Variants in LRRC49 observed in about 807,000 individuals in gnomAD.
LRRC49 encodes the protein leucine-rich repeat-containing protein 49.
Under a neutral mutation model 83.3 loss-of-function variants are expected in LRRC49, and 50 were observed. The ratio of observed to expected loss-of-function variants is 0.60; its 90% CI spans 0.48 to 0.76. The LOEUF is 0.76. Ranked by LOEUF, LRRC49 falls within the 30% of genes least tolerant of loss-of-function variation. The pLI, the probability that LRRC49 is intolerant of heterozygous loss-of-function variation, is 0.00. For synonymous variants in LRRC49, 286 were observed against 283.3 expected (o/e 1.01, Z -0.10); for missense variants, 704 against 809.1 (o/e 0.87, Z 1.58).
intron 14 of LRRC49, among the ~76,000 whole-genome samples, chr15:71,035,674 A>T (rs1375679347): frequency 6.6e-6 from 1 of 152,162 alleles, no homozygotes; most frequent in Non-Finnish European, 1.5e-5. Context: ...AAGGACATGA[A>T]TTCATCCTTT....
Position 71,037,169 on chromosome 15 carries a change from C to T in LRRC49, c.1704-10C>T. ...GTAACTCTCTAAATCTCTTTACTGTCTTTCTACAGGAAAAAGCAATTTCGG... is the reference window on the plus strand; with the variant it reads ...GTAACTCTCTAAATCTCTTTACTGTTTTTCTACAGGAAAAAGCAATTTCGG... On this transcript the variant is annotated splice_polypyrimidine_tract_variant and intron_variant, in intron 14 of 15. Transcript: ENST00000260382. The T allele has an allele frequency of 6.3e-7, 1 of 1,591,030 alleles. No homozygotes were observed.
At chr15:70,972,893 T>G (rs750044657) in intron 9 of LRRC49, among the ~76,000 whole-genome samples, 16 of 152,128 alleles carry the variant, frequency 1.1e-4, no homozygotes, top group Non-Finnish European at 2.2e-4. Context: ...CTGTAACCTT[T>G]TTTCAGGGTT....
rs2033881931 is a variant in LRRC49, at chr15:70,897,382, T to A, written c.193+1446T>A. On this transcript the variant is annotated intron_variant, in intron 3 of 15. Transcript: ENST00000260382. ...CCTAATTGGTTTTTCATTTAAAAAA[T>A]TTATTCAAAATTGGTTTCTGTGACA... is the stretch of plus-strand genomic sequence containing the variant. Among the ~76,000 whole-genome samples, 3 of 152,280 alleles carry A rather than the reference T, an allele frequency of 2.0e-5. No individual in the cohort carries two copies. In the South Asian group the frequency reaches 6.2e-4, roughly 32 times the overall value.
At chr15:70,901,152 T>C in intron 4 of LRRC49, 128 bp downstream of exon 4, 1 of 567,842 alleles carries the variant, frequency 1.8e-6, no homozygotes, top group African/African-American at 1.9e-5. Context: ...TATTTAGATA[T>C]AATTTTTTTA....
rs778742016 is a variant in LRRC49, at chr15:70,904,599, G to A, written c.344G>A (p.Arg115His). 6.2e-6 allele frequency: 10 copies of A among 1,613,490 alleles called. No homozygotes were observed. Among genetic ancestry groups the A allele is most frequent in the South Asian group, 5.5e-5 (5 of 91,056 alleles). The change falls in exon 5 of 16, where the codon CGT (arginine) becomes CAT (histidine). Residue 115 changes from arginine to histidine, a missense_variant. Physicochemically the swap from Arg to His is conservative, Grantham distance 29 (BLOSUM62 0). Around this residue, in one of 3 missense-constraint regions of LRRC49, gnomAD observed 261 missense variants for 330.5 expected, o/e 0.79. Transcript: ENST00000260382. ...CPIINGEDHL[R>H]LLNFQHNFIT... The stretch of plus-strand genomic sequence containing the variant: ...ATCATCAATGGGGAAGACCACCTTC[G>A]TTTGTTGAACTTTCAACACAATTTT...
chr15:71,008,951 G>A (rs1183868203), intron 12 of LRRC49, among the ~76,000 whole-genome samples: 2 of 151,884 alleles, frequency 1.3e-5, no homozygotes, highest in East Asian at 3.9e-4. Flanking sequence ...TGGTAATGGT[G>A]AAATGTATAT....
At chr15:70,950,926 AATTTTTGT>A (rs1177364418) in intron 8 of LRRC49, among the ~76,000 whole-genome samples, 23 of 151,998 alleles carry the variant, frequency 1.5e-4, no homozygotes, top group African/African-American at 5.3e-4. Context: ...ATGTTGAGTT[AATTTTTGT>A]ATATGGTGAG....
At position 70,951,775 on chromosome 15, in the gene LRRC49, T is replaced by C. The variant is rs548911236; in HGVS notation, c.774-12010T>C. 2.0e-5 allele frequency among the ~76,000 whole-genome samples: 3 copies of C among 152,298 alleles called. No homozygotes were observed. The East Asian group carries it at 5.8e-4, about 29-fold the overall frequency. ...ATTTCTTTTTCTTGCCTGATAGCTC[T>C]GGTTAGGACTTCTAGTACTATGTTG... On this transcript the variant is annotated intron_variant, in intron 8 of 15. Coordinates refer to ENST00000260382, the MANE Select transcript of LRRC49 (RefSeq NM_017691.5).
intron 11 of LRRC49, among the ~76,000 whole-genome samples, chr15:70,990,007 A>G (rs1385381871): frequency 6.6e-6 from 1 of 152,058 alleles, no homozygotes; most frequent in Non-Finnish European, 1.5e-5. Context: ...GTCTCAGAGG[A>G]GTACCCGGCT....
rs574802561 is a variant in LRRC49, at chr15:71,024,958, G to A, written c.1703+12045G>A. On this transcript the variant is annotated intron_variant, in intron 14 of 15. Coordinates refer to ENST00000260382, the MANE Select transcript of LRRC49 (RefSeq NM_017691.5). ...AGAGTAAAGAATTTCAGAGCTTGAA[G>A]ACTGTCTTGCTGAAATAAGAAGGCA... 2.0e-5 allele frequency among the ~76,000 whole-genome samples: 3 copies of A among 152,256 alleles called. No homozygotes were observed. The East Asian group carries it at 5.8e-4, about 29-fold the overall frequency.
At chr15:70,998,921 C>G (rs2038166456) in intron 11 of LRRC49, among the ~76,000 whole-genome samples, 1 of 152,062 alleles carries the variant, frequency 6.6e-6, no homozygotes, top group African/African-American at 2.4e-5. Flanking sequence ...TTTAATTGAC[C>G]TATCTAAGTT....
At chr15:71,023,610 AG>A (rs1411111504) in intron 14 of LRRC49, among the ~76,000 whole-genome samples, 1 of 152,192 alleles carries the variant, frequency 6.6e-6, no homozygotes, top group Non-Finnish European at 1.5e-5. Flanking sequence ...ACACAGGGCA[AG>A]GGGAGCTCCC....
chr15:71,025,857 G>A (rs750514349), intron 14 of LRRC49, among the ~76,000 whole-genome samples: 5 of 152,214 alleles, frequency 3.3e-5, no homozygotes, highest in Non-Finnish European at 7.4e-5. Flanking sequence ...CAATACAGGA[G>A]CACCCAGATT....
intron 8 of LRRC49, among the ~76,000 whole-genome samples, chr15:70,963,275 CAA>C (rs765094754): frequency 3.4e-3 from 238 of 70,436 alleles, no homozygotes; most frequent in South Asian, 0.031. Context: ...GACCTGGTCT[CAA>C]AAAAAAAAAA....
chr15:71,003,020 C>T (rs1413201530), intron 11 of LRRC49, among the ~76,000 whole-genome samples: 1 of 132,398 alleles, frequency 7.6e-6, no homozygotes, highest in Non-Finnish European at 1.6e-5. Context: ...CCACCGCAAC[C>T]TCTGCCTCCC....
intron 1 of LRRC49, among the ~76,000 whole-genome samples, chr15:70,860,529 C>T (rs961355004): frequency 3.9e-5 from 6 of 152,204 alleles, no homozygotes; most frequent in African/African-American, 1.4e-4. Context: ...ATTTTCCTGC[C>T]TCAGCCTCCC....
At chr15:70,967,982 T>A (rs1010426069) in intron 9 of LRRC49, among the ~76,000 whole-genome samples, 3 of 151,890 alleles carry the variant, frequency 2.0e-5, no homozygotes, top group African/African-American at 7.3e-5. Flanking sequence ...TTGCTTTATT[T>A]ATTTATTTGT....
chr15:70,904,855 T>C, intron 5 of LRRC49, 100 bp downstream of exon 5: 1 of 809,018 alleles, frequency 1.2e-6, no homozygotes, highest in South Asian at 2.1e-5. Flanking sequence ...ATGAATAGGC[T>C]AAAATTTTTT....
At chr15:70,882,324 G>T in intron 2 of LRRC49, 2 of 846,434 alleles carry the variant, frequency 2.4e-6, no homozygotes, top group South Asian at 1.9e-5. Flanking sequence ...TTGCCTTAGA[G>T]CTAAACAAAT....
Sources: allele counts gnomAD v4.1 joint callset (sites outside exome capture counted in the v4.1 genomes callset), GRCh38; gene constraint gnomAD v4.1.1; regional missense constraint gnomAD v4.1.1; transcripts MANE v1.5; gene names NCBI Gene and HGNC (gene_info 2026-07-23, HGNC 2026-07-21).